Variants in ASIC2 observed in about 807,000 individuals in gnomAD.
ASIC2 encodes acid-sensing ion channel 2.
Under a neutral mutation model 57.3 loss-of-function variants are expected in ASIC2, and 25 were observed. The ratio of observed to expected loss-of-function variants is 0.44; its 90% CI spans 0.32 to 0.61. ASIC2 has a LOEUF of 0.61. Ranked by LOEUF, ASIC2 falls within the 20% of genes least tolerant of loss-of-function variation. The probability of loss-of-function intolerance (pLI) is 0.06; values close to 1 mark genes in which losing one functional copy is unlikely to be tolerated. For synonymous variants in ASIC2, 319 were observed against 307.5 expected, an observed-to-expected ratio of 1.04 and a Z score of -0.39; for missense variants, 641 against 738.1, an observed-to-expected ratio of 0.87 and a Z score of 1.52.
chr17:33,141,005 G>A (rs2092385590), intron 1 of ASIC2, among the ~76,000 whole-genome samples: 1 of 152,266 alleles, frequency 6.6e-6, no homozygotes, highest in Non-Finnish European at 1.5e-5. Context: ...GTGGGCTCCT[G>A]CAGAGCTCTG....
intron 8 of ASIC2, 130 bp downstream of exon 8, chr17:33,017,475 G>A (rs1226886722): frequency 2.7e-6 from 2 of 735,100 alleles, no homozygotes; most frequent in African/African-American, 3.6e-5. Context: ...CGACTCTATT[G>A]GTGGACAGGA....
At chr17:33,327,603 G>A (rs887449698) in intron 1 of ASIC2, among the ~76,000 whole-genome samples, 3 of 152,208 alleles carry the variant, frequency 2.0e-5, no homozygotes, top group African/African-American at 4.8e-5. Flanking sequence ...TGTATTAGAA[G>A]ACATGGTGTG....
intron 1 of ASIC2, among the ~76,000 whole-genome samples, chr17:33,317,608 T>C (rs1051850622): frequency 6.6e-6 from 1 of 152,180 alleles, no homozygotes; most frequent in Admixed American, 6.5e-5. Context: ...CAGATGTTTT[T>C]CAAGGCCAGG....
intron 1 of ASIC2, among the ~76,000 whole-genome samples, chr17:33,713,546 C>G (rs557659672): frequency 6.6e-6 from 1 of 152,346 alleles, no homozygotes; most frequent in East Asian, 1.9e-4. Flanking sequence ...AAATGTCCCT[C>G]TCCTTGTAAG....
chr17:33,915,066 G>A (rs1284716780), intron 1 of ASIC2, among the ~76,000 whole-genome samples: 1 of 152,218 alleles, frequency 6.6e-6, no homozygotes, highest in Non-Finnish European at 1.5e-5. Context: ...ACAGTGCTCT[G>A]CCCTCACCTC....
chr17:33,882,225 A>G (rs1914717829), intron 1 of ASIC2, among the ~76,000 whole-genome samples: 1 of 152,234 alleles, frequency 6.6e-6, no homozygotes, highest in South Asian at 2.1e-4. Flanking sequence ...CTAAAACACC[A>G]AAAGCAATGG....
At chr17:33,860,667 T>C (rs1914079136) in intron 1 of ASIC2, among the ~76,000 whole-genome samples, 3 of 152,346 alleles carry the variant, frequency 2.0e-5, no homozygotes, top group Non-Finnish European at 2.9e-5. Flanking sequence ...CTTCCAGGAC[T>C]TCTCACTATG....
At chr17:33,544,615 C>G (rs1022211734) in intron 1 of ASIC2, among the ~76,000 whole-genome samples, 2 of 152,128 alleles carry the variant, frequency 1.3e-5, no homozygotes, top group African/African-American at 2.4e-5. Context: ...TTCGTTGACT[C>G]TAAGATGCCA....
intron 1 of ASIC2, among the ~76,000 whole-genome samples, chr17:33,606,230 C>T (rs921657385): frequency 4.6e-5 from 7 of 152,150 alleles, no homozygotes; most frequent in African/African-American, 1.2e-4. Flanking sequence ...AGACGATTCT[C>T]GAGATGCCAG....
At chr17:33,780,071 A>G (rs1911404095) in intron 1 of ASIC2, among the ~76,000 whole-genome samples, 1 of 146,944 alleles carries the variant, frequency 6.8e-6, no homozygotes, top group Non-Finnish European at 1.5e-5. Flanking sequence ...CCCAGGCTCA[A>G]GCAATTCTCC....
chr17:33,474,154 G>A (rs1203840351), intron 1 of ASIC2, among the ~76,000 whole-genome samples: 1 of 152,164 alleles, frequency 6.6e-6, no homozygotes, highest in East Asian at 1.9e-4. Context: ...ATCATCTGAG[G>A]TCAGGAGTTC....
At chr17:33,943,643 C>T (rs978580801) in intron 1 of ASIC2, among the ~76,000 whole-genome samples, 28 of 139,356 alleles carry the variant, frequency 2.0e-4, no homozygotes, top group South Asian at 6.7e-4. Flanking sequence ...TGCCTGTGCA[C>T]GAGTGAAAAT....
intron 1 of ASIC2, among the ~76,000 whole-genome samples, chr17:33,471,106 AT>A (rs1418829625): frequency 6.6e-6 from 1 of 152,152 alleles, no homozygotes; most frequent in Non-Finnish European, 1.5e-5. Context: ...ATTCTCTCCA[AT>A]ACTCACTGTG....
At chr17:33,536,024 A>C (rs1364835561) in intron 1 of ASIC2, among the ~76,000 whole-genome samples, 1 of 152,234 alleles carries the variant, frequency 6.6e-6, no homozygotes, top group East Asian at 1.9e-4. Flanking sequence ...CTGCACCACA[A>C]AGTGGCCTCG....
intron 1 of ASIC2, among the ~76,000 whole-genome samples, chr17:33,671,135 G>C (rs1159220628): frequency 1.3e-5 from 2 of 151,918 alleles, no homozygotes; most frequent in African/African-American, 4.9e-5. Context: ...CTTTAGGATA[G>C]AAACTCAGAG....
intron 1 of ASIC2, among the ~76,000 whole-genome samples, chr17:33,770,697 A>G (rs1189886349): frequency 6.6e-6 from 1 of 152,150 alleles, no homozygotes; most frequent in Non-Finnish European, 1.5e-5. Context: ...CCATCCCCAC[A>G]TCAGCTGGGT....
intron 1 of ASIC2, among the ~76,000 whole-genome samples, chr17:33,639,324 T>A (rs1204560692): frequency 6.6e-6 from 1 of 152,216 alleles, no homozygotes; most frequent in Non-Finnish European, 1.5e-5. Flanking sequence ...CTCCTGGGTC[T>A]CTGCAATCAG....
chr17:33,733,939 C>A (rs1273761880), intron 1 of ASIC2, among the ~76,000 whole-genome samples: 1 of 152,140 alleles, frequency 6.6e-6, no homozygotes, highest in Non-Finnish European at 1.5e-5. Flanking sequence ...ACTGGAGGGC[C>A]CTTGGCACTG....
At position 33,077,850 on chromosome 17, in the gene ASIC2, C is replaced by T. The variant is rs138076367; in HGVS notation, c.987+11013G>A. On this transcript the variant is annotated intron_variant, in intron 3 of 9. Coordinates refer to ENST00000225823, the MANE Select transcript of ASIC2 (RefSeq NM_183377.2). ...GAGTGTGACAGTCAGCAAGACTGTTCATATTCAGTCATTCATTATAGTTGA... is the reference window on the plus strand; with the variant it reads ...GAGTGTGACAGTCAGCAAGACTGTTTATATTCAGTCATTCATTATAGTTGA... Among the ~76,000 whole-genome samples, 1,522 of 152,266 alleles carry T rather than the reference C, an allele frequency of 1.0e-2. 16 individuals are homozygous for T. The highest frequency in any genetic ancestry group is 0.016 in the Non-Finnish European group (1,067 of 68,012).
Sources: gnomAD v4.1 joint callset for allele counts (sites outside exome capture counted in the v4.1 genomes callset) on GRCh38, gnomAD v4.1.1 for gene constraint, MANE v1.5 for transcripts, NCBI Gene and HGNC (gene_info 2026-07-23, HGNC 2026-07-21) for gene names.